Variants in PAQR3 observed in about 807,000 individuals in gnomAD.
PAQR3 encodes progestin and adipoQ receptor family member 3.
A neutral mutation model predicts 41.7 loss-of-function variants in PAQR3; 39 were observed. That is an observed-to-expected ratio of 0.93 (90% CI 0.72 to 1.22). The LOEUF (loss-of-function observed/expected upper bound fraction) is 1.22. PAQR3 is among the 50% of genes most tolerant of loss of function. The pLI is 0.00. For missense variants in PAQR3, 366 were observed against 385.6 expected, an observed-to-expected ratio of 0.95 and a Z score of 0.42; for synonymous variants, 140 against 140.6, an observed-to-expected ratio of 1.00 and a Z score of 0.03.
At chr4:78,933,411 G>C (rs1327101403) in intron 2 of PAQR3, among the ~76,000 whole-genome samples, 1 of 141,458 alleles carries the variant, frequency 7.1e-6, no homozygotes, top group Non-Finnish European at 1.6e-5. Context: ...TGCGAGGAAA[G>C]CACTAAAGCA....
Position 78,919,083 on chromosome 4 carries a change from C to T in PAQR3, c.*1456G>A. 1 of 984,988 alleles carries T rather than the reference C, an allele frequency of 1.0e-6. No individual in the cohort carries two copies. The highest frequency in any genetic ancestry group is 1.7e-5 in the African/African-American group (1 of 57,292). The allele number at this position is 984,988 out of a possible 1,614,324, so 61.0% of individuals were successfully genotyped here. A position where few individuals can be genotyped will look rare whatever the true frequency, so the allele number is the denominator to read the frequency against. On this transcript the variant is annotated 3_prime_UTR_variant, in exon 6 of 6. Transcript: ENST00000512733. ...ATGGGGAATTTATATTCCAAAAACA[C>T]TACACTGGAAAAGAAACACAACATT...
chr4:78,931,075 A>G (rs1736825045), intron 2 of PAQR3, among the ~76,000 whole-genome samples: 1 of 148,544 alleles, frequency 6.7e-6, no homozygotes, highest in African/African-American at 2.5e-5. Flanking sequence ...AGGCTGGTGT[A>G]GTAGTGGCTC....
chr4:78,918,730 A>G lies in PAQR3; in HGVS notation c.*1809T>C. 1 of 974,342 alleles carries G rather than the reference A, an allele frequency of 1.0e-6. No homozygotes were observed. Among genetic ancestry groups the G allele is most frequent in the African/African-American group, 1.8e-5 (1 of 57,042 alleles). 60.4% of individuals were successfully genotyped at this position (974,342 alleles called of 1,614,324 possible). A position where few individuals can be genotyped will look rare whatever the true frequency, so the allele number is the denominator to read the frequency against. On this transcript the variant is annotated 3_prime_UTR_variant, in exon 6 of 6. Coordinates refer to ENST00000512733, the MANE Select transcript of PAQR3 (RefSeq NM_001040202.2). ...TTATTTTGAGAAAGTTTTATAATAA[A>G]AATGGCTCCACACCTAAAATAATGA...
In PAQR3 at chr4:78,918,205, T is replaced by A. The variant is rs1337525668; in HGVS notation, c.*2334A>T. ...CACATTGGTAAAATTAAAACCAGTC[T>A]TTTTTAGTAATAAAACTGGATAGTA... On this transcript the variant is annotated 3_prime_UTR_variant, in exon 6 of 6. Coordinates refer to ENST00000512733, the MANE Select transcript of PAQR3 (RefSeq NM_001040202.2). The A allele has an allele frequency of 2.2e-6, 2 of 927,260 alleles. No individual in the cohort carries two copies. Among genetic ancestry groups the A allele is most frequent in the Admixed American group, 1.3e-4 (2 of 14,886 alleles). 57.4% of individuals were successfully genotyped at this position (927,260 alleles called of 1,614,324 possible).
intron 11 of PAQR3, among the ~76,000 whole-genome samples, chr4:78,904,625 A>G (rs1279359233): frequency 6.6e-6 from 1 of 151,984 alleles, no homozygotes; most frequent in Non-Finnish European, 1.5e-5. Flanking sequence ...GTTTCCAGCA[A>G]TCAGACTCAA....
intron 5 of PAQR3, 36 bp from the exon 6 acceptor site, chr4:78,920,717 C>T: frequency 7.0e-6 from 11 of 1,581,184 alleles, no homozygotes; most frequent in Non-Finnish European, 9.5e-6. Context: ...ATAATGATTT[C>T]AATATGTTGA....
Position 78,939,281 on chromosome 4 carries a change from G to C in PAQR3, c.-57C>G. ...GAGCTCCCCCAGGTCCCGCCTCCCC[G>C]GGGAGGGGGCTTCGCCGCTGGCGCC... On this transcript the variant is annotated 5_prime_UTR_variant, in exon 1 of 6. Coordinates refer to ENST00000512733, the MANE Select transcript of PAQR3 (RefSeq NM_001040202.2). 1.3e-6 allele frequency: 2 copies of C among 1,507,304 alleles called. No individual in the cohort carries two copies. Among genetic ancestry groups the C allele is most frequent in the South Asian group, 1.3e-5 (1 of 78,798 alleles). 93.4% of individuals were successfully genotyped at this position (1,507,304 alleles called of 1,614,324 possible).
intron 11 of PAQR3, among the ~76,000 whole-genome samples, chr4:78,904,763 A>G (rs1005798888): frequency 1.3e-5 from 2 of 151,990 alleles, no homozygotes; most frequent in African/African-American, 2.4e-5. Context: ...AAGTAGACGT[A>G]TACCTTCATT....
At chr4:78,910,674 C>T (rs773750624), downstream of PAQR3, 15 of 1,604,344 alleles carry the variant, frequency 9.3e-6, no homozygotes, top group Non-Finnish European at 1.3e-5. Flanking sequence ...CAAACCCTAT[C>T]AAGAACGGTA....
chr4:78,916,976 AG>A lies in PAQR3; in HGVS notation c.*3562del, dbSNP rs1469688320. On this transcript the variant is annotated 3_prime_UTR_variant, in exon 6 of 6. Coordinates refer to ENST00000512733, the MANE Select transcript of PAQR3 (RefSeq NM_001040202.2). ...TTCTGAAGTTGTAACATTTATCTAAAGTTATGTGAAAAAAAGGGGCTTTGTA... is the reference window on the plus strand; with the variant it reads ...TTCTGAAGTTGTAACATTTATCTAAATTATGTGAAAAAAAGGGGCTTTGTA... 6.6e-6 allele frequency: 1 copy of A among 150,694 alleles called. No individual in the cohort carries two copies. The highest frequency in any genetic ancestry group is 1.5e-5 in the Non-Finnish European group (1 of 67,688). 9.3% of individuals were successfully genotyped at this position (150,694 alleles called of 1,614,324 possible).
At chr4:78,909,133 A>G (rs1295059807), downstream of PAQR3, among the ~76,000 whole-genome samples, 1 of 133,976 alleles carries the variant, frequency 7.5e-6, no homozygotes, top group African/African-American at 2.9e-5. Context: ...ATCTTGGCTC[A>G]CTGCAACCTC....
At chr4:78,920,820 C>T (rs953586005) in intron 5 of PAQR3, 139 bp from the exon 6 acceptor site, 14 of 876,872 alleles carry the variant, frequency 1.6e-5, no homozygotes, top group Middle Eastern at 3.7e-4. Flanking sequence ...AAGCTCCAAA[C>T]GTTTTTAGAA....
rs1431910059 is a variant in PAQR3, at chr4:78,917,900, C to T, written c.*2639G>A. ...CTGATTCTAAAATATGATTTTAAAG[C>T]TGTTATGTATTACAAAGAATGACAA... On this transcript the variant is annotated 3_prime_UTR_variant, in exon 6 of 6. Coordinates refer to ENST00000512733, the MANE Select transcript of PAQR3 (RefSeq NM_001040202.2). 1 of 984,336 alleles carries T rather than the reference C, an allele frequency of 1.0e-6. No individual in the cohort carries two copies. The allele number at this position is 984,336 out of a possible 1,614,324, so 61.0% of individuals were successfully genotyped here. A position where few individuals can be genotyped will look rare whatever the true frequency, so the allele number is the denominator to read the frequency against.
intron 5 of PAQR3, chr4:78,923,010 A>G (rs762524299): frequency 2.4e-4 from 109 of 455,916 alleles, no homozygotes; most frequent in Non-Finnish European, 3.7e-4. Flanking sequence ...AAAAAAATCT[A>G]TTGGCTTGTG....
chr4:78,938,943 GGGCAAGCAGAAA>G (rs901855774), intron 1 of PAQR3, 85 bp downstream of exon 1: 5 of 1,214,052 alleles, frequency 4.1e-6, no homozygotes, highest in African/African-American at 1.6e-5. Flanking sequence ...AGGAAATGAT[GGGCAAGCAGAAA>G]GGCGGGGAAA....
chr4:78,930,391 C>A, intron 2 of PAQR3, 66 bp from the exon 3 acceptor site: 1 of 1,497,476 alleles, frequency 6.7e-7, no homozygotes, highest in South Asian at 1.3e-5. Flanking sequence ...GCATGATATT[C>A]AGGGAAGTAG....
chr4:78,904,348 G>A (rs1382504474), intron 11 of PAQR3, among the ~76,000 whole-genome samples: 1 of 151,890 alleles, frequency 6.6e-6, no homozygotes, highest in African/African-American at 2.4e-5. Flanking sequence ...CCTTGGCACT[G>A]TGCTTCAGGA....
intron 11 of PAQR3, among the ~76,000 whole-genome samples, chr4:78,902,695 T>C (rs1046287304): frequency 2.6e-5 from 4 of 152,146 alleles, no homozygotes; most frequent in Non-Finnish European, 5.9e-5. Flanking sequence ...AAGCTTCTTA[T>C]ATGATTAAAA....
At chr4:78,927,881 A>ACC (rs1293120349) in intron 3 of PAQR3, among the ~76,000 whole-genome samples, 2 of 152,344 alleles carry the variant, frequency 1.3e-5, no homozygotes, top group East Asian at 3.9e-4. Context: ...GGTGTGCGCA[A>ACC]AAGTGCATTC....
Sources: gnomAD v4.1 joint callset for allele counts (sites outside exome capture counted in the v4.1 genomes callset) on GRCh38, gnomAD v4.1.1 for gene constraint, MANE v1.5 for transcripts, NCBI Gene and HGNC (gene_info 2026-07-23, HGNC 2026-07-21) for gene names.